SCN1A: variants seen among roughly 807,000 people sequenced by gnomAD.
SCN1A encodes sodium voltage-gated channel alpha subunit 1, also known as sodium channel protein type 1 subunit alpha.
SCN1A carries 13 observed loss-of-function variants against 193.7 expected under a neutral mutation model. That is an observed-to-expected ratio of 0.07 (90% confidence interval 0.04 to 0.11). The LOEUF (loss-of-function observed/expected upper bound fraction) is 0.11, where lower values mean the gene tolerates loss of function less well. SCN1A is among the 10% of genes least tolerant of loss of function. SCN1A has a pLI of 1.00. For synonymous variants in SCN1A, 781 were observed against 843.6 expected, an observed-to-expected ratio of 0.93 and a Z score of 1.29; for missense variants, 1,432 against 2,451.1, an observed-to-expected ratio of 0.58 and a Z score of 8.78.
intron 10 of SCN1A, 89 bp from the exon 11 acceptor site, chr2:166,047,857 T>C: frequency 6.4e-7 from 1 of 1,559,298 alleles, no homozygotes; most frequent in Non-Finnish European, 8.8e-7. Flanking sequence ...GTCAGAAAGA[T>C]TTGGTATTTC....
intron 2 of SCN1A, among the ~76,000 whole-genome samples, chr2:166,085,024 T>C (rs1160785589): frequency 2.0e-5 from 3 of 152,158 alleles, no homozygotes; most frequent in African/African-American, 4.8e-5. Context: ...CAAACATTAG[T>C]GGTTCTCCCA....
chr2:166,047,561 T>C, intron 11 of SCN1A, 66 bp downstream of exon 11: 1 of 1,564,518 alleles, frequency 6.4e-7, no homozygotes, highest in Non-Finnish European at 8.8e-7. Flanking sequence ...GGTTTTAATT[T>C]CATAACTCAA....
At chr2:166,143,166 C>CCTT (rs1692162820) in intron 1 of SCN1A, among the ~76,000 whole-genome samples, 1 of 71,896 alleles carries the variant, frequency 1.4e-5, no homozygotes, top group South Asian at 4.8e-4. Context: ...CAGAACTCAG[C>CCTT]ATTTTTTTTT....
At position 165,994,291 on chromosome 2, in the gene SCN1A, C is replaced by T; in HGVS notation, c.4707G>A (p.Val1569=). The T allele has an allele frequency of 6.2e-7, 1 of 1,613,184 alleles. No individual in the cohort carries two copies. ...GATTGATGCGTGACAAAATGGTAGT[C>T]ACATATTCACTCTGGTCATCTGTTT... ...MVETDDQSEY[V]TTILSRINLV... is the part of the protein sequence containing the mutation. The change falls in exon 28 of 29, where the codon GTG becomes GTA. Residue 1569 remains valine, a synonymous_variant. Coordinates refer to ENST00000674923, the MANE Select transcript of SCN1A (RefSeq NM_001165963.4).
intron 2 of SCN1A, among the ~76,000 whole-genome samples, chr2:166,116,914 G>T (rs1170392215): frequency 6.6e-6 from 1 of 152,138 alleles, no homozygotes; most frequent in Non-Finnish European, 1.5e-5. Context: ...GCTTGGCTAA[G>T]TTATGCAGGT....
At chr2:166,129,612 A>C (rs1364820881), upstream of SCN1A, among the ~76,000 whole-genome samples, 3 of 152,180 alleles carry the variant, frequency 2.0e-5, no homozygotes, top group Admixed American at 2.0e-4. Flanking sequence ...ACAGGTGATC[A>C]ACAACTGGTA....
rs566370173 is a variant in SCN1A at position 166,137,300 on chromosome 2, T to C, written c.-50+11747A>G. 2.0e-5 allele frequency among the ~76,000 whole-genome samples: 3 copies of C among 152,314 alleles called. No individual in the cohort carries two copies. The East Asian group carries it at 5.8e-4, about 29-fold the overall frequency. On this transcript the variant is annotated intron_variant, in intron 1 of 26. Coordinates refer to the SCN1A transcript ENST00000635750. ...GAACAAAAATCTTTATGATAAAAGA[T>C]TCTATTTAATACCCTAACCCTTAAT...
intron 19 of SCN1A, among the ~76,000 whole-genome samples, chr2:166,034,726 G>A (rs1284033358): frequency 6.6e-6 from 1 of 152,168 alleles, no homozygotes; most frequent in Non-Finnish European, 1.5e-5. Flanking sequence ...TGGGGATAGG[G>A]CCTGTAAGGT....
chr2:166,001,879 CTTTTTTTTTTT>C (rs71393699), intron 24 of SCN1A, among the ~76,000 whole-genome samples: 265 of 46,432 alleles, frequency 5.7e-3, no homozygotes, highest in African/African-American at 0.023. Context: ...AATTCTCTCT[CTTTTTTTTTTT>C]TTTTTTTTTT....
chr2:165,991,896 A>C lies in SCN1A; in HGVS notation c.5379T>G (p.Thr1793=). 6.2e-7 allele frequency: 1 copy of C among 1,613,974 alleles called. No homozygotes were observed. Among genetic ancestry groups the C allele is most frequent in the Non-Finnish European group, 8.5e-7 (1 of 1,179,946 alleles). ...CACTCAGAGGCTCTGCACTTTCTTC[A>C]GTAGCAACACTGAAGTTCTCCAGGA... ...AVILENFSVA[T]EESAEPLSED... The change falls in exon 29 of 29, where the codon ACT becomes ACG. Residue 1793 remains threonine (T), a synonymous_variant. Transcript: ENST00000674923.
intron 13 of SCN1A, among the ~76,000 whole-genome samples, chr2:166,044,287 T>C (rs994393033): frequency 3.9e-5 from 6 of 151,940 alleles, no homozygotes; most frequent in African/African-American, 1.2e-4. Flanking sequence ...CCTTAACATA[T>C]TGAAACACAC....
intron 2 of SCN1A, among the ~76,000 whole-genome samples, chr2:166,090,700 A>G (rs977700742): frequency 2.0e-5 from 3 of 152,252 alleles, no homozygotes; most frequent in East Asian, 1.9e-4. Context: ...TTCACCTCCC[A>G]TGGTACCCAG....
chr2:166,057,396 A>G (rs1410790811), intron 5 of SCN1A, among the ~76,000 whole-genome samples: 2 of 152,048 alleles, frequency 1.3e-5, no homozygotes, highest in South Asian at 2.1e-4. Context: ...ACTATATTTT[A>G]AAAATCAGGG....
chr2:166,006,333 CTT>C (rs1312451494), intron 23 of SCN1A, among the ~76,000 whole-genome samples: 3 of 151,084 alleles, frequency 2.0e-5, no homozygotes, highest in Non-Finnish European at 4.4e-5. Context: ...AAAATTCTGA[CTT>C]TTTCTGTCTC....
chr2:166,094,588 G>C (rs1008761006), intron 2 of SCN1A, among the ~76,000 whole-genome samples: 2 of 152,146 alleles, frequency 1.3e-5, no homozygotes, highest in African/African-American at 2.4e-5. Flanking sequence ...GCCAAATGCA[G>C]AAAATAAGTT....
chr2:166,052,775 T>C, intron 8 of SCN1A, 77 bp downstream of exon 8: 2 of 1,191,730 alleles, frequency 1.7e-6, no homozygotes, highest in East Asian at 4.8e-5. Context: ...CCTGATTTTC[T>C]GTAAAACTGA....
At chr2:166,077,299 T>C (rs918371735) in intron 3 of SCN1A, 4 of 151,868 alleles carry the variant, frequency 2.6e-5, no homozygotes, top group African/African-American at 9.7e-5. Context: ...GAAAAATATT[T>C]GCAAAAGACA....
At chr2:166,085,233 A>G (rs551284847) in intron 2 of SCN1A, among the ~76,000 whole-genome samples, 1 of 152,176 alleles carries the variant, frequency 6.6e-6, no homozygotes, top group Non-Finnish European at 1.5e-5. Context: ...GGTAGGATCT[A>G]TGTGGAATGT....
At chr2:166,016,665 T>G (rs1693346135) in intron 19 of SCN1A, 1 of 152,032 alleles carries the variant, frequency 6.6e-6, no homozygotes, top group African/African-American at 2.4e-5. Context: ...GTGTAATTAA[T>G]TCATTAATTT....
Sources: allele counts gnomAD v4.1 joint callset (sites outside exome capture counted in the v4.1 genomes callset), GRCh38; gene constraint gnomAD v4.1.1; transcripts MANE v1.5; gene names NCBI Gene and HGNC (gene_info 2026-07-23, HGNC 2026-07-21).